SLC4A7: variants seen among roughly 807,000 people sequenced by gnomAD.
SLC4A7 encodes the protein solute carrier family 4 member 7, also known as sodium bicarbonate cotransporter 3.
Under a neutral mutation model 137.6 loss-of-function variants are expected in SLC4A7, and 51 were observed. The ratio of observed to expected loss-of-function variants is 0.37; its 90% CI spans 0.30 to 0.47. The LOEUF is 0.47. Ranked by LOEUF, SLC4A7 falls within the 20% of genes least tolerant of loss-of-function variation. The pLI is 1.00. For synonymous variants in SLC4A7, 542 were observed against 518.6 expected (o/e 1.05, Z -0.61); for missense variants, 1,247 against 1,525.4 (o/e 0.82, Z 3.04).
At chr3:27,381,893 A>G (rs975770687) in intron 24 of SLC4A7, among the ~76,000 whole-genome samples, 1 of 152,038 alleles carries the variant, frequency 6.6e-6, no homozygotes, top group Admixed American at 6.6e-5. Context: ...TGAGATGACC[A>G]TTGTGGCCAA....
chr3:27,404,797 C>A, intron 14 of SLC4A7, 33 bp downstream of exon 14: 1 of 1,497,362 alleles, frequency 6.7e-7, no homozygotes, highest in Non-Finnish European at 9.1e-7. Context: ...TCATATATAA[C>A]ACATGTGATA....
At chr3:27,475,170 G>C (rs2059413817) in intron 1 of SLC4A7, among the ~76,000 whole-genome samples, 1 of 151,610 alleles carries the variant, frequency 6.6e-6, no homozygotes, top group South Asian at 2.1e-4. Flanking sequence ...AAACACCAGG[G>C]GTTTAAGGAC....
At chr3:27,456,731 C>T (rs754442378) in intron 1 of SLC4A7, 6 of 1,601,404 alleles carry the variant, frequency 3.7e-6, no homozygotes, top group Non-Finnish European at 4.3e-6. Flanking sequence ...CAGTAACTCC[C>T]TTGAAGATTC....
At chr3:27,404,282 A>C (rs1462546495) in intron 14 of SLC4A7, among the ~76,000 whole-genome samples, 1 of 152,138 alleles carries the variant, frequency 6.6e-6, no homozygotes. Context: ...CAGGAGAATC[A>C]CTTGAACCTG....
intron 1 of SLC4A7, among the ~76,000 whole-genome samples, chr3:27,459,770 C>T (rs981577963): frequency 1.3e-5 from 2 of 152,106 alleles, no homozygotes; most frequent in Admixed American, 6.6e-5. Context: ...CCCATTCCCA[C>T]TTCCACTCAT....
Position 27,394,609 on chromosome 3 carries a change from G to T in SLC4A7, c.3026C>A (p.Pro1009His), listed in dbSNP as rs2051946389. Residue 1009 changes from proline to histidine, a missense_variant, in exon 20 of 26, where the codon CCC (proline) becomes CAC (histidine). Physicochemically the swap from Pro to His is moderately conservative, Grantham distance 77 (BLOSUM62 -2). Around this residue, in one of 6 missense-constraint regions of SLC4A7, gnomAD observed 290 missense variants for 323.8 expected, o/e 0.90. Transcript: ENST00000454389. ...ESECSAPGEQ[P>H]KFLGIREQRV... ...CTGTTCACGAATTCCCAAAAACTTG[G>T]GTTGTTCCCCTGGAGCAGAACATTC... is the stretch of plus-strand genomic sequence containing the variant. 3.1e-6 allele frequency: 5 copies of T among 1,614,064 alleles called. No homozygotes were observed. The East Asian group carries it at 1.1e-4, about 36-fold the overall frequency.
In SLC4A7 at chr3:27,383,155, A is replaced by G. The variant is rs1288388096; in HGVS notation, c.3588T>C (p.Tyr1196=). 3.1e-6 allele frequency: 5 copies of G among 1,595,742 alleles called. No homozygotes were observed. The highest frequency in any genetic ancestry group is 4.3e-6 in the Non-Finnish European group (5 of 1,163,744). The change falls in exon 24 of 26, where the codon TAT becomes TAC. Residue 1196 remains tyrosine, a splice_region_variant and synonymous_variant. Coordinates refer to ENST00000454389, the MANE Select transcript of SLC4A7 (RefSeq NM_001321103.2). ...TAGAGCATAAAGTCATATCTCACCTATATTTTAGGGCCTTGACTGGAATTT... is the reference window on the plus strand; with the variant it reads ...TAGAGCATAAAGTCATATCTCACCTGTATTTTAGGGCCTTGACTGGAATTT... ...LLQIPVKALK[Y]SVDPSIVNIS... is the part of the protein sequence containing the mutation.
intron 13 of SLC4A7, among the ~76,000 whole-genome samples, chr3:27,405,706 T>A (rs2053273151): frequency 1.3e-5 from 2 of 152,156 alleles, no homozygotes; most frequent in Admixed American, 1.3e-4. Context: ...GAAATTAATC[T>A]AATATGATAG....
intron 7 of SLC4A7, among the ~76,000 whole-genome samples, chr3:27,429,687 T>C: frequency 6.6e-6 from 1 of 151,488 alleles, no homozygotes; most frequent in Admixed American, 6.6e-5. Context: ...CCGTCTCTAC[T>C]AAAAATACAA....
intron 1 of SLC4A7, among the ~76,000 whole-genome samples, chr3:27,453,916 T>C (rs2058247122): frequency 6.6e-6 from 1 of 152,238 alleles, no homozygotes; most frequent in Non-Finnish European, 1.5e-5. Context: ...TGGTGTTCAA[T>C]TTAATATAGG....
chr3:27,481,332 CAT>C (rs1266391661), intron 1 of SLC4A7, among the ~76,000 whole-genome samples: 1 of 152,162 alleles, frequency 6.6e-6, no homozygotes, highest in Non-Finnish European at 1.5e-5. Context: ...CAGAAGCAAC[CAT>C]AGAGGCTAAA....
At chr3:27,483,767 G>A (rs999845093) in intron 1 of SLC4A7, among the ~76,000 whole-genome samples, 10 of 152,100 alleles carry the variant, frequency 6.6e-5, no homozygotes, top group Middle Eastern at 6.8e-3. Flanking sequence ...GATGGTCGGG[G>A]TCACAGGCGG....
At chr3:27,461,361 T>TG (rs1307485095) in intron 1 of SLC4A7, among the ~76,000 whole-genome samples, 1 of 151,864 alleles carries the variant, frequency 6.6e-6, no homozygotes. Context: ...ACCACGCCAC[T>TG]GCACTCCAAC....
intron 24 of SLC4A7, 110 bp downstream of exon 24, chr3:27,383,043 T>C (rs947316075): frequency 1.4e-6 from 1 of 695,338 alleles, no homozygotes. Flanking sequence ...CATATGCAGA[T>C]TGTATCATCT....
chr3:27,421,560 G>A, intron 9 of SLC4A7, 62 bp downstream of exon 9: 1 of 1,267,704 alleles, frequency 7.9e-7, no homozygotes, highest in Non-Finnish European at 1.1e-6. Flanking sequence ...TTCATTCGCT[G>A]GATTAAAAAC....
chr3:27,478,833 C>CAAA (rs558381804), intron 1 of SLC4A7, among the ~76,000 whole-genome samples: 1 of 84,972 alleles, frequency 1.2e-5, no homozygotes, highest in Non-Finnish European at 2.4e-5. Context: ...ACTAAAAATA[C>CAAA]AAAAAAAAAA....
chr3:27,400,849 G>A lies in SLC4A7; in HGVS notation c.2342C>T (p.Pro781Leu). The change falls in exon 16 of 26, where the codon CCA (proline) becomes CTA (leucine). Residue 781 changes from proline (P) to leucine (L), a missense_variant. Physicochemically the swap from Pro to Leu is moderately conservative, Grantham distance 98. Around this residue, in one of 6 missense-constraint regions of SLC4A7, gnomAD observed 499 missense variants for 664.2 expected, o/e 0.75. Coordinates refer to ENST00000454389, the MANE Select transcript of SLC4A7 (RefSeq NM_001321103.2). ...TSYSCVCTEP[P>L]NPSNETLAQW... is the part of the protein sequence containing the mutation. ...TGCTAGAGTTTCATTGCTGGGGTTTGGAGGTTCAGTACATACACATCTGAG... is the reference window on the plus strand; with the variant it reads ...TGCTAGAGTTTCATTGCTGGGGTTTAGAGGTTCAGTACATACACATCTGAG... 1 of 1,595,636 alleles carries A rather than the reference G, an allele frequency of 6.3e-7. No individual in the cohort carries two copies.
At chr3:27,457,623 T>C (rs916891295) in intron 1 of SLC4A7, among the ~76,000 whole-genome samples, 1 of 152,198 alleles carries the variant, frequency 6.6e-6, no homozygotes, top group African/African-American at 2.4e-5. Flanking sequence ...ATTTTACACA[T>C]TGTTACATCA....
In SLC4A7 at chr3:27,403,380, A is replaced by C; in HGVS notation, c.2080T>G (p.Tyr694Asp). The C allele has an allele frequency of 1.3e-6, 2 of 1,580,862 alleles. No homozygotes were observed. Among genetic ancestry groups the C allele is most frequent in the Non-Finnish European group, 1.7e-6 (2 of 1,161,314 alleles). ...CTTAAAGACAGATAAGAAAGTTGAT[A>C]ATCTCTGTTTAGAAAGAAAAATATG... ...EKILYKFCRD[Y>D]QLSYLSLRTS... Residue 694 changes from tyrosine (Y) to aspartate (D), a missense_variant, in exon 15 of 26, where the codon TAT (tyrosine) becomes GAT (aspartate). By Grantham distance (160) the Tyr-to-Asp change is radical (BLOSUM62 -3). This residue lies in a region of SLC4A7 where 499 missense variants were observed against 664.2 expected (regional missense o/e 0.75). Transcript: ENST00000454389.
Sources: gnomAD v4.1 joint callset for allele counts (sites outside exome capture counted in the v4.1 genomes callset) on GRCh38, gnomAD v4.1.1 for gene constraint, gnomAD v4.1.1 regional missense constraint, MANE v1.5 for transcripts, NCBI Gene and HGNC (gene_info 2026-07-23, HGNC 2026-07-21) for gene names.